The following HACL2 variants were observed in gnomAD, a reference collection of about 807,000 sequenced individuals.
HACL2 encodes 2-hydroxyacyl-CoA lyase 2.
the HACL2 span, chr19:15,123,143 C>A: frequency 6.2e-7 from 1 of 1,614,020 alleles, no homozygotes; most frequent in Non-Finnish European, 8.5e-7. This position sits in a 1 kb window ranked among gnomAD's most constrained non-coding sequence, Gnocchi z 5.1. Context: ...CAGCCCCACC[C>A]AGAAGCAGGA....
the HACL2 span, chr19:15,115,927 C>T: frequency 3.3e-5 from 54 of 1,614,098 alleles, no homozygotes; most frequent in African/African-American, 6.7e-5. Context: ...CAGACCTAGT[C>T]GGGAGGGGAC....
chr19:15,115,357 G>A, the HACL2 span: 1 of 1,614,132 alleles, frequency 6.2e-7, no homozygotes, highest in Non-Finnish European at 8.5e-7. Flanking sequence ...GCAGCACCTT[G>A]ACCACCTGAT....
chr19:15,118,251 A>G, the HACL2 span, among the ~76,000 whole-genome samples: 11 of 152,124 alleles, frequency 7.2e-5, no homozygotes, highest in Admixed American at 5.2e-4. Flanking sequence ...GATGGCCATA[A>G]TATCTCCCAC....
the HACL2 span, chr19:15,119,470 T>A: frequency 6.2e-7 from 1 of 1,614,116 alleles, no homozygotes; most frequent in South Asian, 1.1e-5. Flanking sequence ...CCCAGCACCA[T>A]CAGAGGCCTC....
the HACL2 span, chr19:15,115,544 A>G: frequency 1.1e-5 from 17 of 1,607,884 alleles, no homozygotes; most frequent in Non-Finnish European, 1.4e-5. Context: ...CTGTCCTCCC[A>G]ACCTCGCTGA....
chr19:15,125,222 G>T, the HACL2 span: 1 of 742,522 alleles, frequency 1.3e-6, no homozygotes, highest in Non-Finnish European at 2.2e-6. Flanking sequence ...CACGCCCTTT[G>T]TGCGCCTAGG....
At chr19:15,119,196 G>T in the HACL2 span, 2 of 1,596,178 alleles carry the variant, frequency 1.3e-6, no homozygotes, top group East Asian at 2.2e-5. Context: ...GCCTTCTTCA[G>T]GGCCGCACTG....
chr19:15,115,970 AG>A, the HACL2 span: 1 of 1,613,970 alleles, frequency 6.2e-7, no homozygotes, highest in Non-Finnish European at 8.5e-7. Context: ...GGACCTAGAG[AG>A]CAGCAAGTCT....
At chr19:15,123,051 G>T in the HACL2 span, 1 of 1,607,854 alleles carries the variant, frequency 6.2e-7, no homozygotes. The surrounding 1 kb of genome is among the most constrained non-coding windows in gnomAD (Gnocchi z 5.1). Flanking sequence ...CAGAGGTGTG[G>T]CAGGGTTATC....
At chr19:15,125,030 A>AGCGGGG in the HACL2 span, 1 of 1,568,608 alleles carries the variant, frequency 6.4e-7, no homozygotes, top group Non-Finnish European at 8.6e-7. Context: ...ATAAGCTCCC[A>AGCGGGG]GCGGGGGCGG....
At chr19:15,117,879 A>C in the HACL2 span, 4 of 1,613,760 alleles carry the variant, frequency 2.5e-6, no homozygotes, top group Admixed American at 1.7e-5. Flanking sequence ...TAAGGGGCTC[A>C]CCCTGCACAG....
At chr19:15,117,750 G>A in the HACL2 span, 1 of 920,020 alleles carries the variant, frequency 1.1e-6, no homozygotes, top group Non-Finnish European at 1.7e-6. Flanking sequence ...TTTGTCTCTG[G>A]TTGACTGGCT....
the HACL2 span, chr19:15,115,262 A>C: frequency 6.2e-7 from 1 of 1,614,134 alleles, no homozygotes; most frequent in Non-Finnish European, 8.5e-7. Context: ...CTATACAGCA[A>C]TGGAGCCATC....
At chr19:15,125,376 T>C in the HACL2 span, 2 of 341,062 alleles carry the variant, frequency 5.9e-6, no homozygotes, top group South Asian at 5.2e-5. Context: ...TATCTTCCAC[T>C]TACCTACTTG....
the HACL2 span, chr19:15,124,702 G>A: frequency 1.8e-6 from 1 of 564,230 alleles, no homozygotes; most frequent in South Asian, 2.4e-5. Context: ...CGAGTGCCCC[G>A]GCAGCGGCAG....
chr19:15,119,035 G>A, the HACL2 span: 4 of 1,041,428 alleles, frequency 3.8e-6, no homozygotes, highest in South Asian at 6.4e-5. Context: ...TGGGTTCAAA[G>A]CGCTTTATGT....
At chr19:15,115,457 T>C in the HACL2 span, 4 of 1,609,636 alleles carry the variant, frequency 2.5e-6, no homozygotes, top group Non-Finnish European at 3.4e-6. Flanking sequence ...AGTCGGATAG[T>C]GGCAAGGACT....
the HACL2 span, chr19:15,115,850 C>A: frequency 1.9e-6 from 3 of 1,613,846 alleles, no homozygotes; most frequent in African/African-American, 2.7e-5. Context: ...GCCCAGTCAC[C>A]TTGTGTCTGA....
the HACL2 span, among the ~76,000 whole-genome samples, chr19:15,120,941 C>G: frequency 6.6e-6 from 1 of 151,840 alleles, no homozygotes; most frequent in Non-Finnish European, 1.5e-5. Flanking sequence ...CAAAACAAAA[C>G]AAAACAAAAA....
Sources: gnomAD v4.1 joint callset for allele counts (sites outside exome capture counted in the v4.1 genomes callset) on GRCh38, gnomAD v4.1.1 for gene constraint, Gnocchi (gnomAD v3.1) non-coding constraint, MANE v1.5 for transcripts, NCBI Gene and HGNC (gene_info 2026-07-23, HGNC 2026-07-21) for gene names.